Variants in HUNK observed in about 807,000 individuals in gnomAD.
The protein encoded by HUNK is hormonally up-regulated Neu-associated kinase.
In HUNK, 21 loss-of-function variants were observed where a neutral mutation model predicts 61.0. The ratio of observed to expected loss-of-function variants is 0.34; its 90% confidence interval spans 0.24 to 0.50. HUNK has a LOEUF of 0.50. Ranked by LOEUF, HUNK falls within the 20% of genes least tolerant of loss-of-function variation. The pLI is 0.98. For missense variants in HUNK, 772 were observed against 945.7 expected, an observed-to-expected ratio of 0.82 and a Z score of 2.41; for synonymous variants, 371 against 386.1, an observed-to-expected ratio of 0.96 and a Z score of 0.46.
intron 1 of HUNK, among the ~76,000 whole-genome samples, chr21:31,916,043 C>CTTTTTTTTTTTTTTTTTTTTT (rs34245381): frequency 1.2e-5 from 1 of 81,772 alleles, no homozygotes; most frequent in African/African-American, 5.1e-5. Flanking sequence ...TAAGTGCTTT[C>CTTTTTTTTTTTTTTTTTTTTT]TTTTTTTTTT....
rs1268074371 is a variant in HUNK at position 32,001,509 on chromosome 21, T to G, written c.*2325T>G. 1 of 152,574 alleles carries G rather than the reference T, an allele frequency of 6.6e-6. No individual in the cohort carries two copies. Among genetic ancestry groups the G allele is most frequent in the Non-Finnish European group, 1.5e-5 (1 of 68,046 alleles). The allele number at this position is 152,574 out of a possible 1,614,324, so 9.5% of individuals were successfully genotyped here. On this transcript the variant is annotated 3_prime_UTR_variant, in exon 11 of 11. Transcript: ENST00000270112. The stretch of plus-strand genomic sequence containing the variant: ...TGCCGTTAGCTTGTGGAGAACGTGC[T>G]TCTTATTCCTGGCAGGCTTCAAGAA...
chr21:31,943,005 A>G (rs887269433), intron 3 of HUNK, among the ~76,000 whole-genome samples: 6 of 152,204 alleles, frequency 3.9e-5, no homozygotes, highest in Admixed American at 6.5e-5. Context: ...GGGTTGGGCA[A>G]TTTAGATCAA....
At chr21:31,916,342 G>T (rs554437172) in intron 1 of HUNK, among the ~76,000 whole-genome samples, 1 of 151,828 alleles carries the variant, frequency 6.6e-6, no homozygotes, top group Non-Finnish European at 1.5e-5. Context: ...GAGCCATTGC[G>T]CCCGGCCCTA....
intron 8 of HUNK, among the ~76,000 whole-genome samples, chr21:31,984,508 CCTGGCCAG>C (rs2123245120): frequency 1.3e-5 from 2 of 152,294 alleles, no homozygotes; most frequent in South Asian, 4.1e-4. Context: ...GGCAGGCTTT[CCTGGCCAG>C]CTGTCCCTGG....
intron 5 of HUNK, among the ~76,000 whole-genome samples, chr21:31,965,599 T>C (rs975709334): frequency 6.7e-6 from 1 of 148,902 alleles, no homozygotes; most frequent in East Asian, 1.9e-4. Context: ...TTTTTCTTTT[T>C]TTTTTTTTTT....
intron 1 of HUNK, among the ~76,000 whole-genome samples, chr21:31,883,019 A>ATT (rs112383556): frequency 1.4e-5 from 2 of 146,060 alleles, no homozygotes; most frequent in African/African-American, 2.5e-5. Flanking sequence ...GGAGTACATA[A>ATT]TTTTTTTTTT....
At chr21:31,959,441 G>A (rs534647635) in intron 5 of HUNK, among the ~76,000 whole-genome samples, 16 of 152,256 alleles carry the variant, frequency 1.1e-4, no homozygotes, top group Admixed American at 9.2e-4. Flanking sequence ...TTTTGAGCCC[G>A]TTCAAAAGCT....
chr21:31,947,156 C>T (rs1340521789), intron 4 of HUNK, among the ~76,000 whole-genome samples: 1 of 151,502 alleles, frequency 6.6e-6, no homozygotes, highest in Non-Finnish European at 1.5e-5. Flanking sequence ...GGCGCCTGCG[C>T]ATTCCCACAT....
chr21:31,894,739 A>G (rs1356345599), intron 1 of HUNK, among the ~76,000 whole-genome samples: 1 of 152,228 alleles, frequency 6.6e-6, no homozygotes, highest in Non-Finnish European at 1.5e-5. Context: ...TGCAAGGTGC[A>G]TGGTTTAGCA....
At chr21:31,971,611 A>G (rs1216676579) in intron 6 of HUNK, among the ~76,000 whole-genome samples, 4 of 152,142 alleles carry the variant, frequency 2.6e-5, no homozygotes, top group Admixed American at 6.5e-5. Context: ...AGTGTTGTCA[A>G]TATTTTTCTT....
intron 5 of HUNK, among the ~76,000 whole-genome samples, chr21:31,966,716 T>C (rs928292287): frequency 6.6e-6 from 1 of 152,162 alleles, no homozygotes; most frequent in Non-Finnish European, 1.5e-5. Context: ...AGTAGGACAT[T>C]TTATGGCTTC....
chr21:31,915,467 G>A (rs2123809658), intron 1 of HUNK, among the ~76,000 whole-genome samples: 1 of 152,276 alleles, frequency 6.6e-6, no homozygotes, highest in South Asian at 2.1e-4. Flanking sequence ...TTAAGGAAAG[G>A]CTATGAACTT....
intron 5 of HUNK, among the ~76,000 whole-genome samples, chr21:31,966,214 T>A (rs1434295582): frequency 6.6e-6 from 1 of 152,214 alleles, no homozygotes; most frequent in Non-Finnish European, 1.5e-5. Context: ...TCCAACTCCA[T>A]CCAGGTTGCT....
chr21:31,958,588 C>T (rs2052905671), intron 4 of HUNK, among the ~76,000 whole-genome samples: 1 of 152,166 alleles, frequency 6.6e-6, no homozygotes, highest in South Asian at 2.1e-4. Flanking sequence ...AGGTGCTACA[C>T]AGGCTGGTCT....
intron 2 of HUNK, among the ~76,000 whole-genome samples, chr21:31,929,756 G>A (rs906961951): frequency 6.6e-6 from 1 of 152,224 alleles, no homozygotes; most frequent in African/African-American, 2.4e-5. Context: ...TGTCAACACC[G>A]TGGCTCCCAG....
chr21:31,941,852 G>C (rs1015417836), intron 3 of HUNK, among the ~76,000 whole-genome samples: 1 of 152,176 alleles, frequency 6.6e-6, no homozygotes, highest in Non-Finnish European at 1.5e-5. Flanking sequence ...GACAGTGATA[G>C]AGTTGTCCTA....
At position 32,002,757 on chromosome 21, in the gene HUNK, G is replaced by A. The variant is rs28491893; in HGVS notation, c.*3573G>A. 14,429 of 152,218 alleles carry A rather than the reference G, an allele frequency of 0.095. 962 individuals are homozygous for A. Among genetic ancestry groups the A allele is most frequent in the Non-Finnish European group, 0.15 (10,013 of 68,022 alleles). 9.4% of individuals were successfully genotyped at this position (152,218 alleles called of 1,614,324 possible). ...CCCAGTTACTGCTTCCTTCATAACT[G>A]TTCACAAAACGTTTTTCATATATAC... On this transcript the variant is annotated 3_prime_UTR_variant, in exon 11 of 11. Transcript: ENST00000270112.
chr21:31,890,769 A>G (rs530812197), intron 1 of HUNK, among the ~76,000 whole-genome samples: 6 of 152,348 alleles, frequency 3.9e-5, no homozygotes, highest in African/African-American at 1.4e-4. Flanking sequence ...GGTTGTACCA[A>G]GTGACACAAC....
At chr21:31,985,187 A>G (rs1377500533) in intron 8 of HUNK, among the ~76,000 whole-genome samples, 1 of 152,188 alleles carries the variant, frequency 6.6e-6, no homozygotes, top group East Asian at 1.9e-4. Context: ...TCACCCACCC[A>G]GAAGTTCCTT....
Sources: gnomAD v4.1 joint callset for allele counts (sites outside exome capture counted in the v4.1 genomes callset) on GRCh38, gnomAD v4.1.1 for gene constraint, MANE v1.5 for transcripts, NCBI Gene and HGNC (gene_info 2026-07-23, HGNC 2026-07-21) for gene names.